Variants in ZNF394 observed in about 807,000 individuals in gnomAD.
The protein encoded by ZNF394 is zinc finger protein 99.
ZNF394 carries 19 observed loss-of-function variants against 21.8 expected under a neutral mutation model. That is an observed-to-expected ratio of 0.87 (90% CI 0.61 to 1.28). The LOEUF (loss-of-function observed/expected upper bound fraction) is 1.28. ZNF394 is among the 50% of genes most tolerant of loss of function. ZNF394 has a pLI of 0.00. For missense variants in ZNF394, 683 were observed against 708.6 expected (o/e 0.96, Z 0.41); for synonymous variants, 294 against 273.3 (o/e 1.08, Z -0.75).
intron 1 of ZNF394, among the ~76,000 whole-genome samples, chr7:99,499,058 G>A (rs55963144): frequency 2.6e-5 from 4 of 152,176 alleles, no homozygotes; most frequent in Admixed American, 2.0e-4. Context: ...TGTGATGTAT[G>A]GGAATGGAAA....
rs75476549 is a variant in ZNF394 at position 99,494,028 on chromosome 7, C to A, written c.1187G>T (p.Ser396Ile). 6.2e-7 allele frequency: 1 copy of A among 1,613,798 alleles called. No individual in the cohort carries two copies. The highest frequency in any genetic ancestry group is 1.3e-5 in the African/African-American group (1 of 74,806). Residue 396 changes from serine (S) to isoleucine (I), a missense_variant, in exon 3 of 3, where the codon AGC (serine) becomes ATC (isoleucine). Ser to Ile is a moderately radical substitution (Grantham distance 142). Around this residue, in one of 3 missense-constraint regions of ZNF394, gnomAD observed 274 missense variants for 314.1 expected, o/e 0.87. Transcript: ENST00000337673. ...YGCQECGKSF[S>I]QSAALTKHQR... ...GTGCTTGGTCAGGGCAGCACTCTGG[C>A]TGAAGCTTTTCCCACATTCTTGGCA...
chr7:99,488,651 C>T (rs953490771), downstream of ZNF394, among the ~76,000 whole-genome samples: 5 of 151,246 alleles, frequency 3.3e-5, no homozygotes, highest in Admixed American at 6.6e-5. Context: ...ATAATCAGGC[C>T]GGGCATGGTG....
chr7:99,492,787 C>A (rs139168505), downstream of ZNF394, among the ~76,000 whole-genome samples: 1 of 148,588 alleles, frequency 6.7e-6, no homozygotes, highest in South Asian at 2.2e-4. Context: ...AAGACCCTAT[C>A]TCTTAAAAAA....
At chr7:99,487,128 C>T (rs1239127179) in intron 1 of ZNF394, 1 of 1,614,116 alleles carries the variant, frequency 6.2e-7, no homozygotes, top group Non-Finnish European at 8.5e-7. Context: ...ATCAGGTGAT[C>T]CATAGTGGAG....
rs187319870 is a variant in ZNF394, at chr7:99,498,955, C to T, written c.457-113G>A. 2.2e-5 allele frequency: 31 copies of T among 1,392,090 alleles called. No homozygotes were observed. In the Admixed American group the frequency reaches 5.6e-4, roughly 25 times the overall value. The allele number at this position is 1,392,090 out of a possible 1,614,324, so 86.2% of individuals were successfully genotyped here. ...TGGAGAGATCAGAGATAGAGGCTGA[C>T]ATTCTCTTGTAATCCTGAAAAGCCT... On this transcript the variant is annotated intron_variant, in intron 1 of 2. Transcript: ENST00000337673.
Position 99,499,803 on chromosome 7 carries a change from C to T in ZNF394, c.291G>A (p.Leu97=). 3 of 1,614,178 alleles carry T rather than the reference C, an allele frequency of 1.9e-6. No homozygotes were observed. Among genetic ancestry groups the T allele is most frequent in the South Asian group, 1.1e-5 (1 of 91,088 alleles). ...ELCRRWLRPE[L]LSKEQILELL... ...GCTCCAGGATCTGCTCCTTGGAGAG[C>T]AGCTCGGGTCTCAGCCACCGACGAC... Residue 97 remains leucine (L), a synonymous_variant, in exon 1 of 3, where the codon CTG becomes CTA. Transcript: ENST00000337673.
downstream of ZNF394, among the ~76,000 whole-genome samples, chr7:99,492,319 T>G (rs1378387219): frequency 6.6e-6 from 1 of 151,954 alleles, no homozygotes; most frequent in Non-Finnish European, 1.5e-5. Context: ...CAAGTATTAA[T>G]AATTGTAGTG....
chr7:99,498,187 T>C (rs754133155), intron 2 of ZNF394: 6 of 152,686 alleles, frequency 3.9e-5, no homozygotes, highest in Non-Finnish European at 8.8e-5. Flanking sequence ...GACCGTGAAA[T>C]AGGTAGAGCT....
Position 99,498,762 on chromosome 7 carries a change from G to T in ZNF394, c.537C>A (p.Phe179Leu), listed in dbSNP as rs754693460. The T allele has an allele frequency of 6.2e-7, 1 of 1,614,140 alleles. No individual in the cohort carries two copies. The change falls in exon 2 of 3, where the codon TTC becomes TTA. Residue 179 changes from phenylalanine (F) to leucine (L), a missense_variant. Transcript: ENST00000337673. The stretch of plus-strand genomic sequence containing the variant: ...AATCCTTCTGCGCACTCTCTCTGCA[G>T]AAGTCCCTCCGTGCTGGGTCCAGGC... ...WERLDPARRDFCRESAQKDSG... is the reference protein window; with the variant it reads ...WERLDPARRDLCRESAQKDSG...
At chr7:99,490,974 G>A (rs562436903), downstream of ZNF394, among the ~76,000 whole-genome samples, 3 of 152,162 alleles carry the variant, frequency 2.0e-5, no homozygotes, top group Non-Finnish European at 2.9e-5. Flanking sequence ...GACTAGACCC[G>A]GGGCTCTGCC....
At chr7:99,494,760 G>A in intron 2 of ZNF394, 129 bp from the exon 3 acceptor site, 1 of 1,379,504 alleles carries the variant, frequency 7.2e-7, no homozygotes, top group South Asian at 1.8e-5. Flanking sequence ...TTTTGAGACG[G>A]TGTCTTGCTT....
chr7:99,494,639 G>T lies in ZNF394; in HGVS notation c.584-8C>A. On this transcript the variant is annotated splice_polypyrimidine_tract_variant and splice_region_variant and intron_variant, in intron 2 of 2. Coordinates refer to ENST00000337673, the MANE Select transcript of ZNF394 (RefSeq NM_032164.4). ...CCACTCTGCTTTCCAAACCTGAAACGTGAAAATACAAATTCCTGCCAGTGC... is the reference window on the plus strand; with the variant it reads ...CCACTCTGCTTTCCAAACCTGAAACTTGAAAATACAAATTCCTGCCAGTGC... The T allele has an allele frequency of 6.4e-7, 1 of 1,563,028 alleles. No homozygotes were observed. The highest frequency in any genetic ancestry group is 8.6e-7 in the Non-Finnish European group (1 of 1,158,102).
At chr7:99,497,133 T>G (rs1800352459) in intron 2 of ZNF394, among the ~76,000 whole-genome samples, 1 of 131,916 alleles carries the variant, frequency 7.6e-6, no homozygotes, top group Admixed American at 7.4e-5. Flanking sequence ...TATATATATA[T>G]ATATATATGT....
rs372678527 is a variant in ZNF394, at chr7:99,494,253, A to C, written c.962T>G (p.Phe321Cys). The C allele has an allele frequency of 2.0e-5, 32 of 1,614,128 alleles. No individual in the cohort carries two copies. The highest frequency in any genetic ancestry group is 1.3e-4 in the Admixed American group (8 of 60,004). ...CAGCACGTGCCACGTCACCATGTGG[A>C]AACTTTGCTTGCACTTGTTCCCGTG... is the stretch of plus-strand genomic sequence containing the variant. ...EEHGNKCKQS[F>C]HMVTWHVLKP... The change falls in exon 3 of 3, where the codon TTC becomes TGC. Residue 321 changes from phenylalanine (F) to cysteine (C), a missense_variant. Around this residue, in one of 3 missense-constraint regions of ZNF394, gnomAD observed 274 missense variants for 314.1 expected, o/e 0.87. Coordinates refer to ENST00000337673, the MANE Select transcript of ZNF394 (RefSeq NM_032164.4).
chr7:99,491,314 C>A (rs1455313770), downstream of ZNF394, among the ~76,000 whole-genome samples: 1 of 152,126 alleles, frequency 6.6e-6, no homozygotes, highest in East Asian at 1.9e-4. Context: ...CAATGACTAG[C>A]AGAGAGCTCC....
Position 99,493,409 on chromosome 7 carries a change from A to G in ZNF394, c.*120T>C, listed in dbSNP as rs1264872767. On this transcript the variant is annotated 3_prime_UTR_variant, in exon 3 of 3. Transcript: ENST00000337673. ...ATAGCTGGGCTTACAGGCATGCACC[A>G]CCATGCCCGGCTCATTTTTGTATTT... 9.5e-7 allele frequency: 1 copy of G among 1,052,636 alleles called. No homozygotes were observed. The highest frequency in any genetic ancestry group is 1.3e-6 in the Non-Finnish European group (1 of 746,286). The allele number at this position is 1,052,636 out of a possible 1,614,324, so 65.2% of individuals were successfully genotyped here.
chr7:99,494,585 T>G lies in ZNF394; in HGVS notation c.630A>C (p.Gln210His), dbSNP rs1323489939. 6.2e-6 allele frequency: 10 copies of G among 1,602,962 alleles called. No homozygotes were observed. Among genetic ancestry groups the G allele is most frequent in the Non-Finnish European group, 8.5e-6 (10 of 1,177,034 alleles). ...CCTGTGGCTCCGCTTCTTCTAAAATTTGTTGCATTGGAATCAACTCTTTGT... is the reference window on the plus strand; with the variant it reads ...CCTGTGGCTCCGCTTCTTCTAAAATGTGTTGCATTGGAATCAACTCTTTGT... ...VENKELIPMQQILEEAEPQGQ... is the reference protein window; with the variant it reads ...VENKELIPMQHILEEAEPQGQ... Residue 210 changes from glutamine (Q) to histidine (H), a missense_variant, in exon 3 of 3, where the codon CAA (glutamine) becomes CAC (histidine). Around this residue, in one of 3 missense-constraint regions of ZNF394, gnomAD observed 402 missense variants for 373.8 expected, o/e 1.08. Transcript: ENST00000337673.
At chr7:99,498,655 T>C (rs1298809496) in intron 2 of ZNF394, 61 bp downstream of exon 2, 5 of 1,607,554 alleles carry the variant, frequency 3.1e-6, no homozygotes, top group Non-Finnish European at 1.7e-6. Context: ...TCAGGGATGG[T>C]AGTGAACCAG....
chr7:99,490,384 C>G (rs1426245826), downstream of ZNF394, among the ~76,000 whole-genome samples: 1 of 152,060 alleles, frequency 6.6e-6, no homozygotes, highest in Non-Finnish European at 1.5e-5. Context: ...GTCTTGAATG[C>G]CTGACCTCGT....
Sources: allele counts gnomAD v4.1 joint callset (sites outside exome capture counted in the v4.1 genomes callset), GRCh38; gene constraint gnomAD v4.1.1; regional missense constraint gnomAD v4.1.1; transcripts MANE v1.5; gene names NCBI Gene and HGNC (gene_info 2026-07-23, HGNC 2026-07-21).